NRG1: variants seen among roughly 807,000 people sequenced by gnomAD.
NRG1 encodes neuregulin 1.
Under a neutral mutation model 63.8 loss-of-function variants are expected in NRG1, and 18 were observed. That is an observed-to-expected ratio of 0.28 (90% CI 0.19 to 0.42). The LOEUF (loss-of-function observed/expected upper bound fraction) is 0.42, where lower values mean the gene tolerates loss of function less well. Among genes scored for constraint, NRG1 ranks in the 10% least tolerant of loss-of-function variants. The pLI, the probability that NRG1 is intolerant of heterozygous loss-of-function variation, is 1.00. For missense variants in NRG1, 762 were observed against 814.7 expected, an observed-to-expected ratio of 0.94 and a Z score of 0.79; for synonymous variants, 302 against 301.3, an observed-to-expected ratio of 1.00 and a Z score of -0.02.
chr8:31,806,902 T>G (rs575892074), intron 1 of NRG1, among the ~76,000 whole-genome samples: 1 of 152,336 alleles, frequency 6.6e-6, no homozygotes, highest in African/African-American at 2.4e-5. Context: ...AAGAGTTTTA[T>G]TTTTGGAACA....
At chr8:32,239,831 G>A (rs150390354) in intron 1 of NRG1, among the ~76,000 whole-genome samples, 1 of 152,226 alleles carries the variant, frequency 6.6e-6, no homozygotes, top group Non-Finnish European at 1.5e-5. Context: ...TTAGCCATTA[G>A]GAATATGCAA....
intron 1 of NRG1, among the ~76,000 whole-genome samples, chr8:32,499,884 G>T (rs956356866): frequency 1.1e-4 from 16 of 152,042 alleles, no homozygotes; most frequent in African/African-American, 3.9e-4. Flanking sequence ...TCCAAGAAAA[G>T]GGCAATTGTG....
At chr8:31,915,711 A>G (rs1833326046) in intron 1 of NRG1, among the ~76,000 whole-genome samples, 1 of 152,144 alleles carries the variant, frequency 6.6e-6, no homozygotes, top group Non-Finnish European at 1.5e-5. Flanking sequence ...CCTAATCCAA[A>G]GAGGCCATTA....
chr8:31,822,693 T>C (rs1824119096), intron 1 of NRG1, among the ~76,000 whole-genome samples: 1 of 152,202 alleles, frequency 6.6e-6, no homozygotes, highest in Non-Finnish European at 1.5e-5. Context: ...AGATACAGAC[T>C]TAGGTTTTTT....
At chr8:31,847,917 T>C (rs10503892) in intron 1 of NRG1, among the ~76,000 whole-genome samples, 20,494 of 152,240 alleles carry the variant, frequency 0.13, 1,544 homozygotes, top group Admixed American at 0.17. Context: ...ATAATAAAGA[T>C]GTTGGTAAGA....
intron 1 of NRG1, among the ~76,000 whole-genome samples, chr8:31,943,559 T>C (rs1349590455): frequency 6.6e-6 from 1 of 150,886 alleles, no homozygotes; most frequent in East Asian, 1.9e-4. Flanking sequence ...AATAAATAAA[T>C]TGAATGAATG....
intron 1 of NRG1, among the ~76,000 whole-genome samples, chr8:32,418,946 A>G (rs1299066877): frequency 6.6e-6 from 1 of 152,230 alleles, no homozygotes; most frequent in African/African-American, 2.4e-5. Flanking sequence ...AAAACAGAAT[A>G]CATCTTACAA....
At chr8:32,017,932 G>A (rs188549180) in intron 1 of NRG1, among the ~76,000 whole-genome samples, 4 of 152,142 alleles carry the variant, frequency 2.6e-5, no homozygotes, top group African/African-American at 9.7e-5. Flanking sequence ...CTGGAGGTTG[G>A]GGGTGGGACT....
rs932507336 is a variant in NRG1, at chr8:31,640,799, G to T, written c.37+1368G>T. 1.3e-5 allele frequency: 19 copies of T among 1,433,254 alleles called. No individual in the cohort carries two copies. Among genetic ancestry groups the T allele is most frequent in the Middle Eastern group, 2.6e-4 (1 of 3,868 alleles). 88.8% of individuals were successfully genotyped at this position (1,433,254 alleles called of 1,614,324 possible). ...CGCATCCCGGGCGCGCGGGCAGCGG[G>T]GCTCGACGGCCGCCCGAGCAAGGCA... On this transcript the variant is annotated intron_variant, in intron 1 of 10. Coordinates refer to the NRG1 transcript ENST00000519301. The surrounding 1 kb of genome is among the most constrained non-coding windows in gnomAD (Gnocchi z 6.3).
chr8:32,068,951 T>A (rs1825319305), intron 1 of NRG1, among the ~76,000 whole-genome samples: 1 of 152,190 alleles, frequency 6.6e-6, no homozygotes, highest in Non-Finnish European at 1.5e-5. Flanking sequence ...AGAAGGCATG[T>A]GTGGAATACT....
At chr8:32,026,073 CTTTTTTTTT>C (rs34251126) in intron 1 of NRG1, 1 of 119,512 alleles carries the variant, frequency 8.4e-6, no homozygotes, top group Non-Finnish European at 1.8e-5. Context: ...ATCTTTTTTT[CTTTTTTTTT>C]TTTTGAGACG....
At chr8:32,503,707 A>G (rs1021505089) in intron 1 of NRG1, among the ~76,000 whole-genome samples, 1 of 152,214 alleles carries the variant, frequency 6.6e-6, no homozygotes, top group African/African-American at 2.4e-5. Flanking sequence ...CCATACGGGT[A>G]TGCAGCATCC....
chr8:32,504,399 G>C (rs1022242486), intron 1 of NRG1, among the ~76,000 whole-genome samples: 1 of 151,984 alleles, frequency 6.6e-6, no homozygotes, highest in African/African-American at 2.4e-5. Flanking sequence ...AAAACATGTT[G>C]GTTATATTTA....
intron 1 of NRG1, among the ~76,000 whole-genome samples, chr8:32,148,077 T>C (rs1198388823): frequency 6.6e-6 from 1 of 152,172 alleles, no homozygotes; most frequent in Non-Finnish European, 1.5e-5. Flanking sequence ...GCAATAATAA[T>C]AATAATAACT....
At chr8:32,559,245 T>TAAAAAAAAAAAAAAAAAAAAAAAAAAAA (rs545838945) in intron 1 of NRG1, among the ~76,000 whole-genome samples, 5 of 96,764 alleles carry the variant, frequency 5.2e-5, no homozygotes, top group Admixed American at 1.3e-4. Flanking sequence ...CTCTAAAATG[T>TAAAAAAAAAAAAAAAAAAAAAAAAAAAA]AAAAAAAAAA....
intron 1 of NRG1, among the ~76,000 whole-genome samples, chr8:32,561,044 T>G (rs1836295374): frequency 6.6e-6 from 1 of 152,180 alleles, no homozygotes; most frequent in South Asian, 2.1e-4. Context: ...AAGGTTGTCT[T>G]AGAGGTCATC....
chr8:32,316,731 C>G (rs747409060), intron 1 of NRG1, among the ~76,000 whole-genome samples: 2 of 152,106 alleles, frequency 1.3e-5, no homozygotes, highest in Admixed American at 6.5e-5. Context: ...TCACTCATTA[C>G]TGATGCATTG....
intron 5 of NRG1, among the ~76,000 whole-genome samples, chr8:32,661,114 A>G (rs1440362662): frequency 6.6e-6 from 1 of 152,226 alleles, no homozygotes; most frequent in African/African-American, 2.4e-5. Context: ...ATAGAGCGAC[A>G]TGGATGGTTT....
intron 1 of NRG1, among the ~76,000 whole-genome samples, chr8:31,865,802 A>T (rs1293051616): frequency 6.6e-6 from 1 of 152,196 alleles, no homozygotes; most frequent in Non-Finnish European, 1.5e-5. Flanking sequence ...ATGAGAGCAG[A>T]CTAATACACC....
Sources: gnomAD v4.1 joint callset for allele counts (sites outside exome capture counted in the v4.1 genomes callset) on GRCh38, gnomAD v4.1.1 for gene constraint, Gnocchi (gnomAD v3.1) non-coding constraint, MANE v1.5 for transcripts, NCBI Gene and HGNC (gene_info 2026-07-23, HGNC 2026-07-21) for gene names.